The following FAM168A variants were observed in gnomAD, a reference collection of about 807,000 sequenced individuals.
The protein encoded by FAM168A is protein FAM168A.
FAM168A carries 3 observed loss-of-function variants against 28.5 expected under a neutral mutation model. The observed-to-expected ratio is 0.11, with a 90% CI of 0.05 to 0.27. The LOEUF (loss-of-function observed/expected upper bound fraction) is 0.27. Ranked by LOEUF, FAM168A falls within the 10% of genes least tolerant of loss-of-function variation. The probability of loss-of-function intolerance (pLI) is 1.00; values close to 1 mark genes in which losing one functional copy is unlikely to be tolerated. For missense variants in FAM168A, 222 were observed against 311.5 expected (o/e 0.71, Z 2.16); for synonymous variants, 122 against 124.2 (o/e 0.98, Z 0.12).
chr11:73,595,984 A>G (rs747204326), intron 1 of FAM168A, among the ~76,000 whole-genome samples: 7 of 152,238 alleles, frequency 4.6e-5, no homozygotes, highest in Non-Finnish European at 1.0e-4. Context: ...CTCTGTTTAC[A>G]TAAAGCGGTG....
intron 3 of FAM168A, 156 bp downstream of exon 3, chr11:73,430,533 TC>T (rs1866969516): frequency 1.5e-6 from 1 of 670,158 alleles, no homozygotes; most frequent in East Asian, 2.8e-5. Flanking sequence ...AGGCTGATTG[TC>T]CCAGTTCCCA....
intron 1 of FAM168A, among the ~76,000 whole-genome samples, chr11:73,513,205 A>ATTTTTTTTTTTTTTTTTTTTT (rs1046600591): frequency 9.1e-6 from 1 of 109,376 alleles, no homozygotes; most frequent in African/African-American, 3.9e-5. Flanking sequence ...TTTTTTTTTA[A>ATTTTTTTTTTTTTTTTTTTTT]TTTTTTTTTT....
At chr11:73,464,643 G>T (rs971856070) in intron 2 of FAM168A, among the ~76,000 whole-genome samples, 1 of 152,172 alleles carries the variant, frequency 6.6e-6, no homozygotes, top group Non-Finnish European at 1.5e-5. Flanking sequence ...GGGGAGACAT[G>T]GGTTCCAGAC....
intron 1 of FAM168A, among the ~76,000 whole-genome samples, chr11:73,513,580 A>T (rs1413544436): frequency 6.6e-6 from 1 of 152,148 alleles, no homozygotes; most frequent in African/African-American, 2.4e-5. Context: ...AAGGCACCCT[A>T]GAAATCTCAT....
intron 4 of FAM168A, among the ~76,000 whole-genome samples, chr11:73,415,374 G>A (rs1202872198): frequency 6.6e-6 from 1 of 152,228 alleles, no homozygotes; most frequent in African/African-American, 2.4e-5. Flanking sequence ...CTAAGACTCA[G>A]TGCTACTTCC....
intron 1 of FAM168A, among the ~76,000 whole-genome samples, chr11:73,584,258 G>A (rs899103724): frequency 6.6e-6 from 1 of 150,976 alleles, no homozygotes; most frequent in African/African-American, 2.4e-5. Context: ...CTGCAGCCTC[G>A]ACCTCCTGGG....
At chr11:73,528,203 C>T (rs555624245) in intron 1 of FAM168A, among the ~76,000 whole-genome samples, 6 of 152,160 alleles carry the variant, frequency 3.9e-5, no homozygotes, top group African/African-American at 9.7e-5. Context: ...CAGAGGCGTT[C>T]GAACCAGAGC....
intron 1 of FAM168A, among the ~76,000 whole-genome samples, chr11:73,478,751 G>A (rs1358937437): frequency 6.6e-6 from 1 of 152,170 alleles, no homozygotes; most frequent in East Asian, 1.9e-4. Flanking sequence ...CATGCATAAA[G>A]TGTTACAGAT....
At position 73,519,782 on chromosome 11, in the gene FAM168A, G is replaced by A. The variant is rs533851652; in HGVS notation, c.-18-51290C>T. Among the ~76,000 whole-genome samples, 426 of 151,750 alleles carry A rather than the reference G, an allele frequency of 2.8e-3. 1 individual carries two copies. Among genetic ancestry groups the A allele is most frequent in the Middle Eastern group, 0.01 (3 of 292 alleles). On this transcript the variant is annotated intron_variant, in intron 1 of 7. Transcript: ENST00000356467. ...AGCACAAAGACCAGAGCATGTATGT[G>A]TGTGTGTGTGTGCGTGTGCGTTTGT... is the stretch of plus-strand genomic sequence containing the variant.
At chr11:73,412,863 G>A (rs897214544) in intron 4 of FAM168A, among the ~76,000 whole-genome samples, 3 of 152,182 alleles carry the variant, frequency 2.0e-5, no homozygotes, top group Non-Finnish European at 4.4e-5. Context: ...GCTCCGAGGT[G>A]CTGTTTCTAT....
chr11:73,409,178 G>A (rs891501156), intron 6 of FAM168A, among the ~76,000 whole-genome samples: 2 of 152,068 alleles, frequency 1.3e-5, no homozygotes, highest in Non-Finnish European at 2.9e-5. Flanking sequence ...CCCTATTTCC[G>A]AAGGGCCTTG....
chr11:73,426,158 T>C (rs993663988), intron 3 of FAM168A, among the ~76,000 whole-genome samples: 1 of 152,242 alleles, frequency 6.6e-6, no homozygotes, highest in Non-Finnish European at 1.5e-5. Context: ...TATTTTTATC[T>C]GTATTAGTTA....
At chr11:73,555,347 G>A (rs185308652) in intron 1 of FAM168A, among the ~76,000 whole-genome samples, 1 of 152,208 alleles carries the variant, frequency 6.6e-6, no homozygotes, top group East Asian at 1.9e-4. Context: ...ATAAGTGATG[G>A]GTGGTTAGAG....
Position 73,473,863 on chromosome 11 carries a change from G to C in FAM168A, c.-18-5371C>G, listed in dbSNP as rs550382978. The stretch of plus-strand genomic sequence containing the variant: ...GAGTCTCGCTCTGTTGCCCAGGCTG[G>C]AGTGCAGTGGCGCAATCTCGGCTCA... On this transcript the variant is annotated intron_variant, in intron 1 of 7. Coordinates refer to ENST00000356467, the MANE Select transcript of FAM168A (RefSeq NM_015159.3). Among the ~76,000 whole-genome samples, 11 of 151,502 alleles carry C rather than the reference G, an allele frequency of 7.3e-5. 1 individual carries two copies. In the South Asian group the frequency reaches 2.3e-3, roughly 32 times the overall value.
At chr11:73,494,167 T>C (rs1037639205) in intron 1 of FAM168A, among the ~76,000 whole-genome samples, 1 of 152,216 alleles carries the variant, frequency 6.6e-6, no homozygotes, top group African/African-American at 2.4e-5. Context: ...ATTAACAGAA[T>C]TGAACCAAAG....
chr11:73,487,694 T>C (rs1208467134), intron 1 of FAM168A, among the ~76,000 whole-genome samples: 1 of 152,180 alleles, frequency 6.6e-6, no homozygotes, highest in Non-Finnish European at 1.5e-5. Context: ...TTATAATCCT[T>C]GACCGTGTTA....
intron 1 of FAM168A, among the ~76,000 whole-genome samples, chr11:73,544,969 T>TA: frequency 1.1e-5 from 1 of 88,488 alleles, no homozygotes; most frequent in Non-Finnish European, 1.9e-5. Context: ...ATATAATATA[T>TA]ATTATATAAT....
chr11:73,440,588 C>T (rs1023245259), intron 2 of FAM168A, among the ~76,000 whole-genome samples: 2 of 151,978 alleles, frequency 1.3e-5, no homozygotes, highest in African/African-American at 4.8e-5. Flanking sequence ...CGTGACTGCA[C>T]CACTGCACTC....
At chr11:73,466,992 A>C (rs1867745307) in intron 2 of FAM168A, among the ~76,000 whole-genome samples, 1 of 152,138 alleles carries the variant, frequency 6.6e-6, no homozygotes, top group Non-Finnish European at 1.5e-5. Flanking sequence ...AAAAGAAAAA[A>C]AAAATCCAAA....
Sources: gnomAD v4.1 joint callset for allele counts (sites outside exome capture counted in the v4.1 genomes callset) on GRCh38, gnomAD v4.1.1 for gene constraint, MANE v1.5 for transcripts, NCBI Gene and HGNC (gene_info 2026-07-23, HGNC 2026-07-21) for gene names.